CTNND2: variants seen among roughly 807,000 people sequenced by gnomAD.
CTNND2 encodes the protein catenin delta 2, also known as catenin delta-2.
A neutral mutation model predicts 144.4 loss-of-function variants in CTNND2; 22 were observed. That is an observed-to-expected ratio of 0.15 (90% confidence interval 0.11 to 0.22). The LOEUF is 0.22. Among genes scored for constraint, CTNND2 ranks in the 10% least tolerant of loss-of-function variants. The pLI is 1.00. For synonymous variants in CTNND2, 751 were observed against 695.6 expected, an observed-to-expected ratio of 1.08 and a Z score of -1.25; for missense variants, 1,353 against 1,618.8, an observed-to-expected ratio of 0.84 and a Z score of 2.82.
chr5:11,017,194 G>C (rs1192447219), intron 18 of CTNND2, among the ~76,000 whole-genome samples: 3 of 152,028 alleles, frequency 2.0e-5, no homozygotes, highest in African/African-American at 7.2e-5. Flanking sequence ...TAACCAAAAA[G>C]GAAAAGTTAG....
At chr5:11,270,584 A>G (rs1028531962) in intron 9 of CTNND2, among the ~76,000 whole-genome samples, 29 of 152,170 alleles carry the variant, frequency 1.9e-4, no homozygotes, top group African/African-American at 6.8e-4. Context: ...GAGACAATAG[A>G]TTATGAAATG....
intron 11 of CTNND2, among the ~76,000 whole-genome samples, chr5:11,165,930 T>C (rs1437634385): frequency 2.0e-5 from 3 of 152,202 alleles, no homozygotes; most frequent in African/African-American, 7.2e-5. Flanking sequence ...AAGTTTTAAA[T>C]GATGGTAGAA....
intron 21 of CTNND2, among the ~76,000 whole-genome samples, chr5:10,976,311 A>T (rs1013807042): frequency 6.6e-6 from 1 of 151,896 alleles, no homozygotes; most frequent in Non-Finnish European, 1.5e-5. Context: ...GACAGTTGAA[A>T]ATCTGGCTGA....
At chr5:11,029,111 CTT>C (rs1743178635) in intron 16 of CTNND2, among the ~76,000 whole-genome samples, 2 of 152,180 alleles carry the variant, frequency 1.3e-5, no homozygotes, top group African/African-American at 4.8e-5. Context: ...CATTTTCACT[CTT>C]GAGAATAATG....
At chr5:11,888,976 T>G (rs944103181) in intron 1 of CTNND2, among the ~76,000 whole-genome samples, 3 of 152,080 alleles carry the variant, frequency 2.0e-5, no homozygotes, top group African/African-American at 7.2e-5. Context: ...GGTCCTGAAC[T>G]CCTGATCTCA....
At chr5:11,578,373 G>A (rs575873765) in intron 2 of CTNND2, among the ~76,000 whole-genome samples, 2 of 152,162 alleles carry the variant, frequency 1.3e-5, no homozygotes, top group Non-Finnish European at 2.9e-5. Flanking sequence ...GTAAAGAGTA[G>A]TGAACTGGGC....
At chr5:11,763,568 T>C (rs1248722765) in intron 1 of CTNND2, among the ~76,000 whole-genome samples, 2 of 152,168 alleles carry the variant, frequency 1.3e-5, no homozygotes, top group Non-Finnish European at 2.9e-5. Flanking sequence ...TCCTCCAAAT[T>C]TGATCCAATG....
At chr5:11,671,821 C>A (rs1783887356) in intron 2 of CTNND2, among the ~76,000 whole-genome samples, 1 of 152,088 alleles carries the variant, frequency 6.6e-6, no homozygotes, top group Non-Finnish European at 1.5e-5. Context: ...TGTTCCCTTG[C>A]TGGCGAGGAG....
At chr5:11,569,128 A>G (rs1321099881) in intron 2 of CTNND2, among the ~76,000 whole-genome samples, 1 of 152,182 alleles carries the variant, frequency 6.6e-6, no homozygotes, top group Non-Finnish European at 1.5e-5. Flanking sequence ...GTGGTGATGT[A>G]AATCAGGCTG....
intron 3 of CTNND2, among the ~76,000 whole-genome samples, chr5:11,431,478 C>G (rs1041821704): frequency 4.6e-5 from 7 of 152,204 alleles, no homozygotes; most frequent in African/African-American, 1.7e-4. Context: ...TGAAGTGATG[C>G]TCTGAAGCTT....
intron 3 of CTNND2, among the ~76,000 whole-genome samples, chr5:11,418,356 A>G (rs1197346236): frequency 6.6e-6 from 1 of 152,186 alleles, no homozygotes; most frequent in Admixed American, 6.5e-5. Context: ...CGGTGAGCCA[A>G]GATCAGGTCA....
chr5:11,528,273 G>A (rs1773441732), intron 3 of CTNND2, among the ~76,000 whole-genome samples: 1 of 152,158 alleles, frequency 6.6e-6, no homozygotes, highest in African/African-American at 2.4e-5. Flanking sequence ...AGAAGCTTTT[G>A]GAGTTGAGAT....
At chr5:11,328,096 T>C (rs1202369519) in intron 9 of CTNND2, among the ~76,000 whole-genome samples, 1 of 152,180 alleles carries the variant, frequency 6.6e-6, no homozygotes, top group Admixed American at 6.5e-5. Flanking sequence ...GTACGTTCAC[T>C]TTATCAAAGC....
chr5:11,323,236 G>GGC lies in CTNND2; in HGVS notation c.1628+23135_1628+23136insGC, dbSNP rs1554032309. Among the ~76,000 whole-genome samples, 4 of 146,890 alleles carry GGC rather than the reference G, an allele frequency of 2.7e-5. No homozygotes were observed. In the East Asian group the frequency reaches 8.5e-4, roughly 31 times the overall value. Reference sequence around the variant, plus strand: ...AAACAAAAACATTTAGAGATTGGGGGGGGGGGTCTCACTATATTGCCCAGG... The same window carrying GGC: ...AAACAAAAACATTTAGAGATTGGGGGGCGGGGGGTCTCACTATATTGCCCAGG... On this transcript the variant is annotated intron_variant, in intron 9 of 21. Coordinates refer to ENST00000304623, the MANE Select transcript of CTNND2 (RefSeq NM_001332.4).
At chr5:11,258,210 T>C (rs1322409996) in intron 9 of CTNND2, among the ~76,000 whole-genome samples, 4 of 152,122 alleles carry the variant, frequency 2.6e-5, no homozygotes, top group Non-Finnish European at 5.9e-5. Context: ...AACCAACATA[T>C]GCTGCATCTT....
chr5:10,986,562 CAGATTCACAGCTTTCTTTGT>C, intron 20 of CTNND2: 1 of 452,440 alleles, frequency 2.2e-6, no homozygotes, highest in Non-Finnish European at 4.4e-6. Flanking sequence ...ACTCAGAATT[CAGATTCACAGCTTTCTTTGT>C]TCCTGTTCAT....
At chr5:11,425,724 T>A (rs775177145) in intron 3 of CTNND2, among the ~76,000 whole-genome samples, 1 of 152,220 alleles carries the variant, frequency 6.6e-6, no homozygotes, top group Non-Finnish European at 1.5e-5. Flanking sequence ...CCACTCCCCT[T>A]AACTGCCTTG....
At chr5:11,396,046 G>A (rs372896843) in intron 6 of CTNND2, among the ~76,000 whole-genome samples, 7 of 152,178 alleles carry the variant, frequency 4.6e-5, no homozygotes, top group African/African-American at 1.7e-4. Flanking sequence ...TGGGCTCGGG[G>A]GTTACAGAGC....
At chr5:11,302,783 T>C (rs906497313) in intron 9 of CTNND2, among the ~76,000 whole-genome samples, 2 of 152,052 alleles carry the variant, frequency 1.3e-5, no homozygotes, top group African/African-American at 2.4e-5. Flanking sequence ...CCTGGGCAAA[T>C]AGAGGATGTA....
Sources: allele counts gnomAD v4.1 joint callset (sites outside exome capture counted in the v4.1 genomes callset), GRCh38; gene constraint gnomAD v4.1.1; transcripts MANE v1.5; gene names NCBI Gene and HGNC (gene_info 2026-07-23, HGNC 2026-07-21).